NRXN3: variants seen among roughly 807,000 people sequenced by gnomAD.
NRXN3 encodes the protein neurexin 3.
In NRXN3, 32 loss-of-function variants were observed where a neutral mutation model predicts 137.6. The ratio of observed to expected loss-of-function variants is 0.23; its 90% CI spans 0.18 to 0.31. The LOEUF is 0.31. Among genes scored for constraint, NRXN3 ranks in the 10% least tolerant of loss-of-function variants. NRXN3 has a pLI of 1.00. For synonymous variants in NRXN3, 798 were observed against 784.5 expected, an observed-to-expected ratio of 1.02 and a Z score of -0.29; for missense variants, 1,574 against 2,062.5, an observed-to-expected ratio of 0.76 and a Z score of 4.59.
chr14:79,330,267 T>G (rs2091490923), intron 15 of NRXN3, among the ~76,000 whole-genome samples: 1 of 152,040 alleles, frequency 6.6e-6, no homozygotes, highest in African/African-American at 2.4e-5. Flanking sequence ...CTTGGAGTAT[T>G]AAGAAGGGAT....
At chr14:78,664,269 G>T (rs767997549) in intron 6 of NRXN3, among the ~76,000 whole-genome samples, 1 of 152,064 alleles carries the variant, frequency 6.6e-6, no homozygotes, top group Non-Finnish European at 1.5e-5. Context: ...TCCACCTTAA[G>T]ACTTACCTTC....
chr14:79,803,858 G>A (rs2099191475), intron 19 of NRXN3, among the ~76,000 whole-genome samples: 1 of 150,414 alleles, frequency 6.6e-6, no homozygotes. Context: ...ACGGTTGTGA[G>A]AATCACGTCT....
At chr14:79,233,160 C>T (rs1333532779) in intron 15 of NRXN3, among the ~76,000 whole-genome samples, 1 of 152,148 alleles carries the variant, frequency 6.6e-6, no homozygotes, top group Admixed American at 6.5e-5. Flanking sequence ...TAAGTTCTAG[C>T]AGCAAGTCTT....
chr14:79,796,618 A>G (rs1432766863), intron 19 of NRXN3, among the ~76,000 whole-genome samples: 8 of 152,182 alleles, frequency 5.3e-5, no homozygotes. Flanking sequence ...CCTCGGCACA[A>G]AATTTGGCCA....
intron 15 of NRXN3, among the ~76,000 whole-genome samples, chr14:79,184,660 G>T (rs1268853462): frequency 1.3e-5 from 2 of 152,320 alleles, no homozygotes; most frequent in African/African-American, 4.8e-5. Flanking sequence ...CTACTGAGGC[G>T]AGTCAGGGGT....
At chr14:79,762,807 G>C (rs202151547) in intron 19 of NRXN3, among the ~76,000 whole-genome samples, 2 of 151,676 alleles carry the variant, frequency 1.3e-5, no homozygotes, top group Non-Finnish European at 2.9e-5. Flanking sequence ...GAGAGGCAAA[G>C]TGATAGTATC....
intron 4 of NRXN3, among the ~76,000 whole-genome samples, chr14:78,529,841 G>T (rs750550105): frequency 1.3e-5 from 2 of 152,148 alleles, no homozygotes; most frequent in African/African-American, 2.4e-5. Flanking sequence ...TGGCCTTTTG[G>T]TAACTGACTT....
chr14:78,397,959 A>G (rs141192301), intron 4 of NRXN3, among the ~76,000 whole-genome samples: 16 of 150,972 alleles, frequency 1.1e-4, no homozygotes, highest in African/African-American at 3.6e-4. Flanking sequence ...TTATGCCTGT[A>G]ATCGCAGCAC....
At chr14:78,438,181 A>T (rs954222452) in intron 4 of NRXN3, among the ~76,000 whole-genome samples, 1 of 152,192 alleles carries the variant, frequency 6.6e-6, no homozygotes, top group Non-Finnish European at 1.5e-5. Flanking sequence ...TCAGGTTTCT[A>T]TGACACCTGA....
At chr14:79,482,136 A>G (rs1411888929) in intron 16 of NRXN3, among the ~76,000 whole-genome samples, 1 of 152,148 alleles carries the variant, frequency 6.6e-6, no homozygotes, top group Non-Finnish European at 1.5e-5. Flanking sequence ...TCATCCTCTT[A>G]ACCTGGTGGC....
chr14:78,806,181 AT>A (rs111760788), intron 9 of NRXN3, among the ~76,000 whole-genome samples: 2,648 of 151,398 alleles, frequency 0.017, 40 homozygotes, highest in East Asian at 0.077. Flanking sequence ...GCCATAGTTA[AT>A]TTTTTTTACA....
intron 4 of NRXN3, among the ~76,000 whole-genome samples, chr14:78,542,505 A>G (rs1017763153): frequency 6.6e-6 from 1 of 152,226 alleles, no homozygotes; most frequent in African/African-American, 2.4e-5. Flanking sequence ...CAGGCACAGG[A>G]GAGAATCTCC....
chr14:79,489,570 G>T (rs1363458607), intron 16 of NRXN3, among the ~76,000 whole-genome samples: 1 of 152,116 alleles, frequency 6.6e-6, no homozygotes, highest in Non-Finnish European at 1.5e-5. Flanking sequence ...AAGCATGAAG[G>T]ACCTCCTTTC....
At chr14:78,438,198 AATG>A (rs2094134458) in intron 4 of NRXN3, among the ~76,000 whole-genome samples, 1 of 152,236 alleles carries the variant, frequency 6.6e-6, no homozygotes, top group South Asian at 2.1e-4. Context: ...CTGAGTGGGT[AATG>A]ATATTATTAA....
intron 6 of NRXN3, among the ~76,000 whole-genome samples, chr14:78,691,278 C>T (rs978201828): frequency 2.6e-5 from 4 of 152,006 alleles, no homozygotes; most frequent in East Asian, 3.9e-4. Context: ...AGTTAAAACA[C>T]GATATTTAGA....
intron 8 of NRXN3, chr14:78,744,458 T>C (rs773470404): frequency 1.3e-5 from 2 of 152,224 alleles, no homozygotes; most frequent in Non-Finnish European, 2.9e-5. Context: ...GATACAGTTT[T>C]GTGTGTTTGC....
intron 19 of NRXN3, among the ~76,000 whole-genome samples, chr14:79,795,222 T>C (rs1211749313): frequency 6.6e-6 from 1 of 152,224 alleles, no homozygotes; most frequent in African/African-American, 2.4e-5. Flanking sequence ...TTGTGTTTGC[T>C]TTTGTAAATT....
chr14:79,113,661 T>C (rs2053918568), intron 15 of NRXN3, among the ~76,000 whole-genome samples: 1 of 152,218 alleles, frequency 6.6e-6, no homozygotes, highest in African/African-American at 2.4e-5. Context: ...TCCCCCTATG[T>C]CACTACTTAA....
rs2006270 is a variant in NRXN3 at position 79,550,159 on chromosome 14, C to T, written c.3444+82757C>T. On this transcript the variant is annotated intron_variant, in intron 16 of 20. Coordinates refer to ENST00000335750, the MANE Select transcript of NRXN3 (RefSeq NM_001330195.2). Reference sequence around the variant, plus strand: ...TAATTTTTTTATTTTTTAGTAGAGACGAGGTTTCACCATATTGGCCAGGAT... The same window carrying T: ...TAATTTTTTTATTTTTTAGTAGAGATGAGGTTTCACCATATTGGCCAGGAT... Among the ~76,000 whole-genome samples, 1,340 of 151,980 alleles carry T rather than the reference C, an allele frequency of 8.8e-3. 8 individuals carry two copies. Among genetic ancestry groups the T allele is most frequent in the Non-Finnish European group, 0.012 (849 of 67,940 alleles).
Sources: gnomAD v4.1 joint callset for allele counts (sites outside exome capture counted in the v4.1 genomes callset) on GRCh38, gnomAD v4.1.1 for gene constraint, MANE v1.5 for transcripts, NCBI Gene and HGNC (gene_info 2026-07-23, HGNC 2026-07-21) for gene names.